CMKLR2: variants seen among roughly 807,000 people sequenced by gnomAD.
CMKLR2 encodes chemerin chemokine-like receptor 2.
In CMKLR2, 18 loss-of-function variants were observed where a neutral mutation model predicts 23.0. The ratio of observed to expected loss-of-function variants is 0.78; its 90% CI spans 0.54 to 1.16. The LOEUF (loss-of-function observed/expected upper bound fraction) is 1.16, where lower values mean the gene tolerates loss of function less well. Among genes scored for constraint, CMKLR2 ranks in the 50% most tolerant of loss-of-function variants. The pLI is 0.00. For missense variants in CMKLR2, 401 were observed against 412.7 expected (o/e 0.97, Z 0.25); for synonymous variants, 158 against 158.9 (o/e 0.99, Z 0.05).
At chr2:206,190,201 A>G (rs759223983) in intron 1 of CMKLR2, among the ~76,000 whole-genome samples, 1 of 152,186 alleles carries the variant, frequency 6.6e-6, no homozygotes, top group Non-Finnish European at 1.5e-5. Flanking sequence ...ACAAATGACA[A>G]TATTCTTTGG....
chr2:206,187,600 A>G (rs1688621858), intron 1 of CMKLR2, among the ~76,000 whole-genome samples: 1 of 152,250 alleles, frequency 6.6e-6, no homozygotes, highest in East Asian at 1.9e-4. Context: ...ATTACACTGT[A>G]TAATCAATCA....
upstream of CMKLR2, among the ~76,000 whole-genome samples, chr2:206,213,936 C>T (rs2105848485): frequency 6.6e-6 from 1 of 152,296 alleles, no homozygotes; most frequent in East Asian, 1.9e-4. Flanking sequence ...TCACTGCAAC[C>T]TCCGCCTCCC....
Position 206,177,106 on chromosome 2 carries a change from C to T in CMKLR2, c.142G>A (p.Ala48Thr). Residue 48 changes from alanine to threonine, a missense_variant, in exon 2 of 2, where the codon GCT becomes ACT. Physicochemically the swap from Ala to Thr is moderately conservative, Grantham distance 58 (BLOSUM62 0). Transcript: ENST00000621141. The stretch of plus-strand genomic sequence containing the variant: ...TTTCCTGGAATTCCCAGAACAAAAG[C>T]CAAACAATATAACACCAGGGAGACC... Reference protein sequence around the residue: ...HWVSLVLYCLAFVLGIPGNAI... With the variant: ...HWVSLVLYCLTFVLGIPGNAI... 1 of 1,614,142 alleles carries T rather than the reference C, an allele frequency of 6.2e-7. No homozygotes were observed. The highest frequency in any genetic ancestry group is 1.1e-5 in the South Asian group (1 of 91,080).
At chr2:206,199,878 G>A (rs1283893508) in intron 1 of CMKLR2, among the ~76,000 whole-genome samples, 4 of 151,960 alleles carry the variant, frequency 2.6e-5, no homozygotes, top group Non-Finnish European at 4.4e-5. Flanking sequence ...CACCGTGCCC[G>A]GCCCTATGAC....
rs761473728 is a variant in CMKLR2, at chr2:206,176,451, C to G, written c.797G>C (p.Ser266Thr). 5.0e-6 allele frequency: 8 copies of G among 1,614,016 alleles called. No individual in the cohort carries two copies. The South Asian group carries it at 8.8e-5, about 18-fold the overall frequency. The part of the protein sequence containing the change: ...VVCWTPYHLF[S>T]IWELTIHHNS... ...GTGGTGAATGGTGAGCTCCCAAATGCTAAACAGGTGATAAGGAGTCCAGCA... is the reference window on the plus strand; with the variant it reads ...GTGGTGAATGGTGAGCTCCCAAATGGTAAACAGGTGATAAGGAGTCCAGCA... Residue 266 changes from serine (S) to threonine (T), a missense_variant, in exon 2 of 2, where the codon AGC becomes ACC. Physicochemically the swap from Ser to Thr is moderately conservative, Grantham distance 58 (BLOSUM62 1). Coordinates refer to ENST00000621141, the MANE Select transcript of CMKLR2 (RefSeq NM_001389445.1).
chr2:206,211,479 C>G (rs1369919498), intron 1 of CMKLR2, among the ~76,000 whole-genome samples: 1 of 151,972 alleles, frequency 6.6e-6, no homozygotes, highest in Non-Finnish European at 1.5e-5. Flanking sequence ...CACATGCCAC[C>G]ACTTCTGGCT....
chr2:206,185,653 G>A (rs974047212), intron 1 of CMKLR2, among the ~76,000 whole-genome samples: 4 of 152,166 alleles, frequency 2.6e-5, no homozygotes, highest in African/African-American at 7.2e-5. Flanking sequence ...TAGGTATAAT[G>A]GTGGGGCAAA....
intron 1 of CMKLR2, among the ~76,000 whole-genome samples, chr2:206,190,589 G>GA (rs1347478092): frequency 6.6e-6 from 1 of 152,186 alleles, no homozygotes; most frequent in Non-Finnish European, 1.5e-5. Context: ...AAGCTTAGCT[G>GA]AATTGCATAT....
intron 1 of CMKLR2, among the ~76,000 whole-genome samples, chr2:206,189,518 C>T (rs1688685360): frequency 6.6e-6 from 1 of 151,804 alleles, no homozygotes; most frequent in African/African-American, 2.4e-5. Context: ...GCCTGTAGTC[C>T]CAGCTACTCA....
At chr2:206,197,419 G>C (rs751512473) in intron 1 of CMKLR2, among the ~76,000 whole-genome samples, 1 of 152,200 alleles carries the variant, frequency 6.6e-6, no homozygotes, top group Non-Finnish European at 1.5e-5. Context: ...GCAAATCCAG[G>C]TGCTGGTTAA....
chr2:206,210,083 C>A (rs912758554), intron 1 of CMKLR2, among the ~76,000 whole-genome samples: 1 of 151,896 alleles, frequency 6.6e-6, no homozygotes, highest in Admixed American at 6.6e-5. Flanking sequence ...CGTGCCTCAG[C>A]CTCCCAAGTA....
chr2:206,208,237 C>A (rs761981359), intron 1 of CMKLR2, among the ~76,000 whole-genome samples: 7 of 152,158 alleles, frequency 4.6e-5, no homozygotes, highest in Non-Finnish European at 8.8e-5. Context: ...CTTCCTCAAT[C>A]AACAAAACTA....
Position 206,177,105 on chromosome 2 carries a change from G to A in CMKLR2, c.143C>T (p.Ala48Val). ...HWVSLVLYCL[A>V]FVLGIPGNAI... The stretch of plus-strand genomic sequence containing the variant: ...ATTTCCTGGAATTCCCAGAACAAAA[G>A]CCAAACAATATAACACCAGGGAGAC... Residue 48 changes from alanine to valine, a missense_variant, in exon 2 of 2, where the codon GCT (alanine) becomes GTT (valine). Transcript: ENST00000621141. 6.2e-7 allele frequency: 1 copy of A among 1,614,152 alleles called. No individual in the cohort carries two copies. The highest frequency in any genetic ancestry group is 8.5e-7 in the Non-Finnish European group (1 of 1,180,026).
At position 206,176,765 on chromosome 2, in the gene CMKLR2, G is replaced by A. The variant is rs1350938315; in HGVS notation, c.483C>T (p.Ile161=). Residue 161 remains isoleucine, a synonymous_variant, in exon 2 of 2, where the codon ATC becomes ATT. Coordinates refer to ENST00000621141, the MANE Select transcript of CMKLR2 (RefSeq NM_001389445.1). The part of the protein sequence containing the change: ...LKNSLIVIIF[I]WLLASLIGGP... ...CGCCAATTAGAGAAGCCAAAAGCCA[G>A]ATGAATATAATGACAATCAGAGAGT... 4.3e-6 allele frequency: 7 copies of A among 1,614,048 alleles called. No homozygotes were observed. Among genetic ancestry groups the A allele is most frequent in the African/African-American group, 1.3e-5 (1 of 74,918 alleles).
intron 1 of CMKLR2, among the ~76,000 whole-genome samples, chr2:206,191,711 A>G (rs1229094841): frequency 6.9e-6 from 1 of 143,924 alleles, no homozygotes; most frequent in Non-Finnish European, 1.5e-5. Flanking sequence ...TGTGTCACCT[A>G]GGCTGTAGTG....
intron 1 of CMKLR2, among the ~76,000 whole-genome samples, chr2:206,207,566 G>A (rs1000473880): frequency 1.2e-4 from 18 of 152,000 alleles, no homozygotes; most frequent in Non-Finnish European, 2.6e-4. Context: ...TACTTGTTAA[G>A]TATGGTACAA....
chr2:206,178,079 T>C (rs2105798524), intron 1 of CMKLR2, among the ~76,000 whole-genome samples: 1 of 152,238 alleles, frequency 6.6e-6, no homozygotes, highest in Admixed American at 6.5e-5. Flanking sequence ...CTGGGAAATA[T>C]AGCAAAAACC....
Position 206,177,561 on chromosome 2 carries a change from A to T in CMKLR2, c.-28-286T>A, listed in dbSNP as rs569626232. Reference sequence around the variant, plus strand: ...ATGACCATGCCCAGCTAATTTTTAAATTTTTTGTAGAGATGAGGTCTCACT... The same window carrying T: ...ATGACCATGCCCAGCTAATTTTTAATTTTTTTGTAGAGATGAGGTCTCACT... On this transcript the variant is annotated intron_variant, in intron 1 of 1. Coordinates refer to ENST00000621141, the MANE Select transcript of CMKLR2 (RefSeq NM_001389445.1). Among the ~76,000 whole-genome samples the T allele has an allele frequency of 4.6e-5, 7 of 152,016 alleles. No individual in the cohort carries two copies. In the East Asian group the frequency reaches 1.2e-3, roughly 25 times the overall value.
rs1040424965 is a variant in CMKLR2, at chr2:206,175,593, G to C, written c.*587C>G. On this transcript the variant is annotated 3_prime_UTR_variant, in exon 2 of 2. Transcript: ENST00000621141. Reference sequence around the variant, plus strand: ...GCTCACCACAACCTCTGCCTCCCAGGTTCAAGTGATTCTCCTGCTTCAGCC... The same window carrying C: ...GCTCACCACAACCTCTGCCTCCCAGCTTCAAGTGATTCTCCTGCTTCAGCC... The C allele has an allele frequency of 6.6e-6, 1 of 152,170 alleles. No homozygotes were observed. Among genetic ancestry groups the C allele is most frequent in the Non-Finnish European group, 1.5e-5 (1 of 68,088 alleles). The allele number at this position is 152,170 out of a possible 1,614,324, so 9.4% of individuals were successfully genotyped here.
Sources: allele counts gnomAD v4.1 joint callset (sites outside exome capture counted in the v4.1 genomes callset), GRCh38; gene constraint gnomAD v4.1.1; transcripts MANE v1.5; gene names NCBI Gene and HGNC (gene_info 2026-07-23, HGNC 2026-07-21).